The following PLEC variants were observed in gnomAD, a reference collection of about 807,000 sequenced individuals.
The protein encoded by PLEC is hemidesmosomal protein 1.
A neutral mutation model predicts 392.8 loss-of-function variants in PLEC; 216 were observed. That is an observed-to-expected ratio of 0.55 (90% CI 0.49 to 0.62). The LOEUF (loss-of-function observed/expected upper bound fraction) is 0.62, where lower values mean the gene tolerates loss of function less well. Ranked by LOEUF, PLEC falls within the 20% of genes least tolerant of loss-of-function variation. The pLI is 0.00. For missense variants in PLEC, 6,863 were observed against 6,563.4 expected (o/e 1.05, Z -1.58); for synonymous variants, 3,621 against 2,980.6 (o/e 1.21, Z -7.00).
At chr8:143,944,870 G>A (rs1204673696) in intron 1 of PLEC, 1 of 497,524 alleles carries the variant, frequency 2.0e-6, no homozygotes, top group Non-Finnish European at 3.4e-6. Flanking sequence ...GGCGCGCAAG[G>A]ACCGTCACCA....
At position 143,969,441 on chromosome 8, in the gene PLEC, A is replaced by T. The variant is rs1000331062; in HGVS notation, c.70+3962T>A. 2.5e-4 allele frequency among the ~76,000 whole-genome samples: 38 copies of T among 152,330 alleles called. No individual in the cohort carries two copies. Among genetic ancestry groups the T allele is most frequent in the Admixed American group, 1.4e-3 (22 of 15,306 alleles). ...AGGGCTGTGGGCTGGTGACTTAGACAGTCGGCCCAGCTGCCAAGAGGTGTC... is the reference window on the plus strand; with the variant it reads ...AGGGCTGTGGGCTGGTGACTTAGACTGTCGGCCCAGCTGCCAAGAGGTGTC... On this transcript the variant is annotated intron_variant, in intron 1 of 31. Coordinates refer to the PLEC transcript ENST00000356346. The surrounding 1 kb of genome is among the most constrained non-coding windows in gnomAD (Gnocchi z 5.1).
At position 143,923,996 on chromosome 8, in the gene PLEC, T is replaced by G. The variant is rs782017511; in HGVS notation, c.5933A>C (p.Glu1978Ala). The G allele has an allele frequency of 6.0e-5, 95 of 1,585,428 alleles. No homozygotes were observed. Among genetic ancestry groups the G allele is most frequent in the South Asian group, 3.8e-4 (34 of 89,858 alleles). ...AGCCTCACGGCGCCGCCGCTCCTCC[T>G]CCGCCGCCAGCTGCCGCTGCCTCGC... is the stretch of plus-strand genomic sequence containing the variant. ...EAARQRQLAAEEERRRREAEE... is the reference protein window; with the variant it reads ...EAARQRQLAAAEERRRREAEE... Residue 1978 changes from glutamate to alanine, a missense_variant, in exon 31 of 32, where the codon GAG (glutamate) becomes GCG (alanine). Coordinates refer to ENST00000345136, the MANE Select transcript of PLEC (RefSeq NM_201384.3).
intron 1 of PLEC, among the ~76,000 whole-genome samples, chr8:143,971,788 C>T (rs538449696): frequency 1.3e-5 from 2 of 152,226 alleles, no homozygotes; most frequent in East Asian, 3.9e-4. Context: ...GCAAGCCCCC[C>T]GGCCCCCCTG....
At chr8:143,935,414 T>TG (rs1587155228) in intron 6 of PLEC, 101 bp from the exon 7 acceptor site, 2 of 804,464 alleles carry the variant, frequency 2.5e-6, no homozygotes, top group East Asian at 5.3e-5. Flanking sequence ...CCAGCAACCA[T>TG]GGACCCCCCC....
At chr8:143,942,512 A>C, upstream of PLEC, 1 of 1,574,230 alleles carries the variant, frequency 6.4e-7, no homozygotes, top group Non-Finnish European at 8.6e-7. Context: ...CCCGCCCCCG[A>C]CATGCCGGCC....
chr8:143,920,617 G>C lies in PLEC; in HGVS notation c.9204C>G (p.Ile3068Met), dbSNP rs1022654495. The C allele has an allele frequency of 6.2e-7, 1 of 1,607,786 alleles. No homozygotes were observed. Among genetic ancestry groups the C allele is most frequent in the Non-Finnish European group, 8.5e-7 (1 of 1,179,890 alleles). ...LEAQAGTGHI[I>M]DPATSARLTV... Reference sequence around the variant, plus strand: ...TCAGCCGGGCGCTGGTGGCGGGGTCGATGATGTGCCCGGTGCCGGCCTGGG... The same window carrying C: ...TCAGCCGGGCGCTGGTGGCGGGGTCCATGATGTGCCCGGTGCCGGCCTGGG... The change falls in exon 32 of 32, where the codon ATC becomes ATG. Residue 3068 changes from isoleucine (I) to methionine (M), a missense_variant. Coordinates refer to ENST00000345136, the MANE Select transcript of PLEC (RefSeq NM_201384.3).
chr8:143,965,446 A>T (rs144796679), intron 1 of PLEC, among the ~76,000 whole-genome samples: 943 of 76,328 alleles, frequency 0.012, 12 homozygotes, highest in Non-Finnish European at 0.023. Context: ...CCTACAGATG[A>T]CCCGGCCCAT....
chr8:143,971,010 G>A (rs972728227), intron 1 of PLEC, among the ~76,000 whole-genome samples: 20 of 152,234 alleles, frequency 1.3e-4, no homozygotes, highest in African/African-American at 4.8e-4. Context: ...GGAGAATGGG[G>A]GGGCTGAGGG....
rs782475966 is a variant in PLEC at position 143,924,074 on chromosome 8, C to T, written c.5855G>A (p.Arg1952His). 1.3e-5 allele frequency: 21 copies of T among 1,597,674 alleles called. No individual in the cohort carries two copies. Among genetic ancestry groups the T allele is most frequent in the African/African-American group, 6.7e-5 (5 of 74,740 alleles). The change falls in exon 31 of 32, where the codon CGC becomes CAC. Residue 1952 changes from arginine (R) to histidine (H), a missense_variant. Arg to His is a conservative substitution (Grantham distance 29, BLOSUM62 0). Coordinates refer to ENST00000345136, the MANE Select transcript of PLEC (RefSeq NM_201384.3). ...GCGCAGCGTGTCCTCCGCGTTGCTG[C>T]GGATGCGTCCCAGCTCCAGCTCCAG... ...AELELELGRI[R>H]SNAEDTLRSK...
chr8:143,939,439 A>C lies in PLEC; in HGVS notation c.23T>G (p.Val8Gly). ...TCGGCCCAGGCCCTCGGGCTGCGGCACGCGGAGCTGGTGCTGAGACATGCT... is the reference window on the plus strand; with the variant it reads ...TCGGCCCAGGCCCTCGGGCTGCGGCCCGCGGAGCTGGTGCTGAGACATGCT... MSQHQLR[V>G]PQPEGLGRKR... The change falls in exon 1 of 32, where the codon GTG (valine) becomes GGG (glycine). Residue 8 changes from valine (V) to glycine (G), a missense_variant. By Grantham distance (109) the Val-to-Gly change is moderately radical (BLOSUM62 -3). Transcript: ENST00000345136. The C allele has an allele frequency of 6.2e-7, 1 of 1,612,150 alleles. No homozygotes were observed. The highest frequency in any genetic ancestry group is 1.1e-5 in the South Asian group (1 of 90,878).
At chr8:143,929,861 C>T (rs781904670) in intron 22 of PLEC, 32 bp from the exon 23 acceptor site, 20 of 1,599,840 alleles carry the variant, frequency 1.3e-5, no homozygotes, top group Admixed American at 1.7e-5. Context: ...GAGTGCCGGG[C>T]GAGGCGGCCG....
chr8:143,974,932 G>A (rs537778397), upstream of PLEC, among the ~76,000 whole-genome samples: 8 of 152,338 alleles, frequency 5.3e-5, no homozygotes, highest in Admixed American at 5.2e-4. This position sits in a 1 kb window ranked among gnomAD's most constrained non-coding sequence, Gnocchi z 5.9. Context: ...GCACTGGACC[G>A]TGTTAAAATC....
At position 143,929,234 on chromosome 8, in the gene PLEC, G is replaced by T; in HGVS notation, c.3129C>A (p.Leu1043=). ...VEGLGKGVAR[L]SAEAEKVLAL... ...CCAAGACCTTCTCGGCCTCGGCAGA[G>T]AGCCGGGCGACCCCCTTGCCCAGCC... The change falls in exon 25 of 32, where the codon CTC becomes CTA. Residue 1043 remains leucine, a synonymous_variant. Transcript: ENST00000345136. The T allele has an allele frequency of 6.2e-7, 1 of 1,602,436 alleles. No homozygotes were observed. The highest frequency in any genetic ancestry group is 1.1e-5 in the South Asian group (1 of 90,566).
At chr8:143,942,285 G>A (rs1425325071), upstream of PLEC, 22 of 1,377,192 alleles carry the variant, frequency 1.6e-5, no homozygotes, top group East Asian at 2.4e-5. Context: ...GGGCCAAGGC[G>A]CCACCCCCAT....
In PLEC at chr8:143,918,142, G is replaced by A. The variant is rs1554674119; in HGVS notation, c.11679C>T (p.Thr3893=). The A allele has an allele frequency of 6.3e-7, 1 of 1,599,360 alleles. No homozygotes were observed. The highest frequency in any genetic ancestry group is 1.1e-5 in the South Asian group (1 of 90,936). Residue 3893 remains threonine, a synonymous_variant, in exon 32 of 32, where the codon ACC becomes ACT. Coordinates refer to ENST00000345136, the MANE Select transcript of PLEC (RefSeq NM_201384.3). Reference sequence around the variant, plus strand: ...CCTGCGAGCGCACCAGCTCCTCCATGGTGATCTGCTTCCGCAGGCCACGGA... The same window carrying A: ...CCTGCGAGCGCACCAGCTCCTCCATAGTGATCTGCTTCCGCAGGCCACGGA... The part of the protein sequence containing the change: ...LTFRGLRKQI[T]MEELVRSQVM...
rs782534433 is a variant in PLEC, at chr8:143,924,127, G to C, written c.5802C>G (p.Phe1934Leu). Residue 1934 changes from phenylalanine to leucine, a missense_variant, in exon 31 of 32, where the codon TTC (phenylalanine) becomes TTG (leucine). Physicochemically the swap from Phe to Leu is conservative, Grantham distance 22 (BLOSUM62 0). Transcript: ENST00000345136. Reference sequence around the variant, plus strand: ...CCGCCTTGCCAGCGGCCGCCTTCTCGAAGCTCGCCTTCAGCGCCAGGATCT... The same window carrying C: ...CCGCCTTGCCAGCGGCCGCCTTCTCCAAGCTCGCCTTCAGCGCCAGGATCT... The part of the protein sequence containing the change: ...EEEILALKAS[F>L]EKAAAGKAEL... The C allele has an allele frequency of 6.3e-7, 1 of 1,598,666 alleles. No individual in the cohort carries two copies. Among genetic ancestry groups the C allele is most frequent in the Non-Finnish European group, 8.5e-7 (1 of 1,179,428 alleles).
At chr8:143,942,446 C>G, upstream of PLEC, 3 of 1,603,066 alleles carry the variant, frequency 1.9e-6, no homozygotes, top group Non-Finnish European at 2.5e-6. Flanking sequence ...TCGCAGCCCC[C>G]GTCCAGCCAG....
chr8:143,960,895 A>C (rs1390333972), intron 1 of PLEC, among the ~76,000 whole-genome samples: 1 of 152,262 alleles, frequency 6.6e-6, no homozygotes, highest in Non-Finnish European at 1.5e-5. Flanking sequence ...ACAAACGGTG[A>C]AATCTTCCGG....
At chr8:143,944,738 A>G in intron 1 of PLEC, 1 of 1,261,554 alleles carries the variant, frequency 7.9e-7, no homozygotes, top group Non-Finnish European at 1.0e-6. Flanking sequence ...CCCTCGGAGG[A>G]GGCACAAGCC....
Sources: gnomAD v4.1 joint callset for allele counts (sites outside exome capture counted in the v4.1 genomes callset) on GRCh38, gnomAD v4.1.1 for gene constraint, Gnocchi (gnomAD v3.1) non-coding constraint, MANE v1.5 for transcripts, NCBI Gene and HGNC (gene_info 2026-07-23, HGNC 2026-07-21) for gene names.